The following GLCCI1 variants were observed in gnomAD, a reference collection of about 807,000 sequenced individuals.
The protein encoded by GLCCI1 is glucocorticoid-induced transcript 1 protein.
In GLCCI1, 24 loss-of-function variants were observed where a neutral mutation model predicts 52.2. The ratio of observed to expected loss-of-function variants is 0.46; its 90% CI spans 0.33 to 0.65. The LOEUF (loss-of-function observed/expected upper bound fraction) is 0.65. GLCCI1 is among the 30% of genes least tolerant of loss of function. The pLI is 0.02. For synonymous variants in GLCCI1, 310 were observed against 276.5 expected, an observed-to-expected ratio of 1.12 and a Z score of -1.20; for missense variants, 704 against 701.5, an observed-to-expected ratio of 1.00 and a Z score of -0.04.
intron 3 of GLCCI1, among the ~76,000 whole-genome samples, chr7:8,045,920 G>A (rs1316999005): frequency 6.6e-6 from 1 of 150,750 alleles, no homozygotes; most frequent in Non-Finnish European, 1.5e-5. Flanking sequence ...ATATTAAGTA[G>A]CCTCATTTAC....
chr7:7,987,395 C>T (rs539652399), intron 1 of GLCCI1, among the ~76,000 whole-genome samples: 21 of 152,266 alleles, frequency 1.4e-4, no homozygotes, highest in African/African-American at 4.8e-4. Flanking sequence ...ACTGTATTTA[C>T]ACCTTTACAT....
intron 1 of GLCCI1, among the ~76,000 whole-genome samples, chr7:7,999,188 A>G (rs1031793351): frequency 1.3e-5 from 2 of 152,098 alleles, no homozygotes; most frequent in Non-Finnish European, 2.9e-5. Flanking sequence ...AGATTCAATG[A>G]TTAAAAATAT....
chr7:8,013,415 C>T (rs1247824497), intron 2 of GLCCI1, among the ~76,000 whole-genome samples: 1 of 152,120 alleles, frequency 6.6e-6, no homozygotes, highest in Admixed American at 6.5e-5. Flanking sequence ...TTTCTGGCTT[C>T]TCTATGCTAT....
chr7:8,021,455 C>T (rs148407267), intron 2 of GLCCI1, among the ~76,000 whole-genome samples: 30 of 152,232 alleles, frequency 2.0e-4, no homozygotes, highest in African/African-American at 7.2e-4. Flanking sequence ...TCTCGTCGCC[C>T]AGGCTGGAGT....
At chr7:8,043,263 T>C (rs34318095) in intron 3 of GLCCI1, among the ~76,000 whole-genome samples, 3,574 of 152,232 alleles carry the variant, frequency 0.023, 68 homozygotes, top group East Asian at 0.089. Context: ...TATTTTTTAT[T>C]TCTTGTGGTG....
rs549685659 is a variant in GLCCI1, at chr7:8,075,358, A to T, written c.1177+4227A>T. The stretch of plus-strand genomic sequence containing the variant: ...TCACATGTGTAAAGTTTCCAGGCTA[A>T]CTAATAGCCATAGGAACTACTACTG... On this transcript the variant is annotated intron_variant, in intron 6 of 7. Coordinates refer to ENST00000223145, the MANE Select transcript of GLCCI1 (RefSeq NM_138426.4). Among the ~76,000 whole-genome samples the T allele has an allele frequency of 2.0e-5, 3 of 152,336 alleles. No individual in the cohort carries two copies. The East Asian group carries it at 5.8e-4, about 29-fold the overall frequency.
At chr7:7,987,671 C>T (rs1780762662) in intron 1 of GLCCI1, among the ~76,000 whole-genome samples, 1 of 152,142 alleles carries the variant, frequency 6.6e-6, no homozygotes, top group Non-Finnish European at 1.5e-5. Context: ...CACTGTAACC[C>T]CAGACTCCTG....
At chr7:8,015,405 G>A (rs1384526809) in intron 2 of GLCCI1, among the ~76,000 whole-genome samples, 2 of 152,220 alleles carry the variant, frequency 1.3e-5, no homozygotes, top group Non-Finnish European at 2.9e-5. Flanking sequence ...AACAGCAGTT[G>A]CTGAAACATT....
intron 3 of GLCCI1, among the ~76,000 whole-genome samples, chr7:8,044,049 A>G (rs995849019): frequency 3.6e-4 from 55 of 150,888 alleles, no homozygotes; most frequent in Non-Finnish European, 6.5e-4. Flanking sequence ...GGTTCACACC[A>G]TTCTCCTGCC....
At chr7:7,991,672 T>C (rs895821108) in intron 1 of GLCCI1, among the ~76,000 whole-genome samples, 2 of 152,076 alleles carry the variant, frequency 1.3e-5, no homozygotes, top group African/African-American at 4.8e-5. Context: ...ATTTACCCCA[T>C]TGCAAGGAGA....
rs142368369 is a variant in GLCCI1 at position 7,979,095 on chromosome 7, G to T, written c.457+9288G>T. Reference sequence around the variant, plus strand: ...GTGTCTAGGACTTAACTAAACTGGTGTTGGCAAACATTGCTAAATGCAGTT... The same window carrying T: ...GTGTCTAGGACTTAACTAAACTGGTTTTGGCAAACATTGCTAAATGCAGTT... On this transcript the variant is annotated intron_variant, in intron 1 of 7. Transcript: ENST00000223145. 3.2e-3 allele frequency among the ~76,000 whole-genome samples: 491 copies of T among 152,248 alleles called. 4 individuals carry two copies. The highest frequency in any genetic ancestry group is 0.011 in the African/African-American group (468 of 41,548).
At position 8,045,724 on chromosome 7, in the gene GLCCI1, A is replaced by C. The variant is rs147313172; in HGVS notation, c.697-9709A>C. ...GATGTGGCACCTGAATTAGAGCTCT[A>C]CTTATGAGGGACCAAAGTTCCAGTC... is the stretch of plus-strand genomic sequence containing the variant. On this transcript the variant is annotated intron_variant, in intron 3 of 7. Transcript: ENST00000223145. 1.4e-4 allele frequency among the ~76,000 whole-genome samples: 22 copies of C among 152,294 alleles called. No homozygotes were observed. In the East Asian group the frequency reaches 4.2e-3, roughly 29 times the overall value.
chr7:7,969,237 G>A lies in GLCCI1; in HGVS notation c.-114G>A. 2 of 154,342 alleles carry A rather than the reference G, an allele frequency of 1.3e-5. No individual in the cohort carries two copies. Among genetic ancestry groups the A allele is most frequent in the Non-Finnish European group, 2.2e-5 (2 of 89,802 alleles). The allele number at this position is 154,342 out of a possible 1,614,324, so 9.6% of individuals were successfully genotyped here. A position where few individuals can be genotyped will look rare whatever the true frequency, so the allele number is the denominator to read the frequency against. On this transcript the variant is annotated 5_prime_UTR_variant, in exon 1 of 8. Transcript: ENST00000223145. The surrounding 1 kb of genome is among the most constrained non-coding windows in gnomAD (Gnocchi z 4.9). ...ACTCCTCCCCCACAGCGATACCCCC[G>A]CCCCTCCCCCTTACACACTCGCACG... is the stretch of plus-strand genomic sequence containing the variant.
chr7:7,983,258 G>A (rs979515034), intron 1 of GLCCI1, among the ~76,000 whole-genome samples: 5 of 152,072 alleles, frequency 3.3e-5, no homozygotes, highest in Non-Finnish European at 7.4e-5. Context: ...TTAGGAAATA[G>A]GGAGGTATAG....
intron 3 of GLCCI1, among the ~76,000 whole-genome samples, chr7:8,040,525 A>AACACACACAC (rs58561376): frequency 0.086 from 12,433 of 145,130 alleles, 589 homozygotes; most frequent in East Asian, 0.13. Context: ...AGATATAATT[A>AACACACACAC]ACACACACAC....
In GLCCI1 at chr7:8,088,617, G is replaced by C. The variant is rs1302376367; in HGVS notation, c.*2079G>C. 6.6e-6 allele frequency: 1 copy of C among 152,544 alleles called. No homozygotes were observed. Among genetic ancestry groups the C allele is most frequent in the Non-Finnish European group, 1.5e-5 (1 of 68,018 alleles). The allele number at this position is 152,544 out of a possible 1,614,324, so 9.4% of individuals were successfully genotyped here. ...CTGGTTTAGCATTACATAATATGTT[G>C]ATCTTACACTCTGCTTTTGTCCAAA... On this transcript the variant is annotated 3_prime_UTR_variant, in exon 8 of 8. Coordinates refer to ENST00000223145, the MANE Select transcript of GLCCI1 (RefSeq NM_138426.4).
At chr7:7,992,758 C>T (rs1195078792) in intron 1 of GLCCI1, among the ~76,000 whole-genome samples, 2 of 151,896 alleles carry the variant, frequency 1.3e-5, no homozygotes, top group African/African-American at 4.8e-5. Context: ...GAAATCTTGT[C>T]TCCTCATTTT....
intron 1 of GLCCI1, chr7:7,980,492 TAAAATATTACAG>T (rs1780590590): frequency 2.9e-6 from 1 of 341,290 alleles, no homozygotes; most frequent in Non-Finnish European, 5.3e-6. Flanking sequence ...TATTACAAAA[TAAAATATTACAG>T]TTATTGCCTT....
intron 1 of GLCCI1, among the ~76,000 whole-genome samples, chr7:7,979,421 G>A (rs1046563222): frequency 6.9e-6 from 1 of 144,668 alleles, no homozygotes; most frequent in Admixed American, 6.9e-5. Context: ...TTTTATATAT[G>A]AATTGTTTAT....
Sources: allele counts gnomAD v4.1 joint callset (sites outside exome capture counted in the v4.1 genomes callset), GRCh38; gene constraint gnomAD v4.1.1; non-coding constraint Gnocchi (gnomAD v3.1); transcripts MANE v1.5; gene names NCBI Gene and HGNC (gene_info 2026-07-23, HGNC 2026-07-21).